The following SYT1 variants were observed in gnomAD, a reference collection of about 807,000 sequenced individuals.
SYT1 encodes synaptotagmin-1.
A neutral mutation model predicts 44.8 loss-of-function variants in SYT1; 8 were observed. That is an observed-to-expected ratio of 0.18 (90% CI 0.10 to 0.32). The LOEUF (loss-of-function observed/expected upper bound fraction) is 0.32, where lower values mean the gene tolerates loss of function less well. Among genes scored for constraint, SYT1 ranks in the 10% least tolerant of loss-of-function variants. SYT1 has a pLI of 1.00. For synonymous variants in SYT1, 154 were observed against 188.8 expected (o/e 0.82, Z 1.51); for missense variants, 286 against 509.3 (o/e 0.56, Z 4.22).
At chr12:79,157,218 A>T (rs977592708) in intron 3 of SYT1, among the ~76,000 whole-genome samples, 2 of 152,156 alleles carry the variant, frequency 1.3e-5, no homozygotes, top group Non-Finnish European at 2.9e-5. Context: ...CTTGCCGTTT[A>T]TTGCAAGGGA....
At chr12:79,411,193 G>A (rs181045156) in intron 9 of SYT1, among the ~76,000 whole-genome samples, 74 of 152,256 alleles carry the variant, frequency 4.9e-4, no homozygotes, top group Admixed American at 9.8e-4. Context: ...CTCTTCTGCC[G>A]TCCTCAGCAT....
At chr12:79,132,261 C>A (rs1041819225) in intron 3 of SYT1, among the ~76,000 whole-genome samples, 3 of 151,914 alleles carry the variant, frequency 2.0e-5, no homozygotes, top group Non-Finnish European at 4.4e-5. Context: ...CAAACCTGAC[C>A]AACAAGGTGA....
At chr12:79,405,804 C>T (rs1189837228) in intron 9 of SYT1, among the ~76,000 whole-genome samples, 2 of 152,000 alleles carry the variant, frequency 1.3e-5, no homozygotes, top group Non-Finnish European at 2.9e-5. Flanking sequence ...GTATGTTGGC[C>T]TCTGTTTCCA....
At chr12:79,342,676 T>A (rs1882431274) in intron 8 of SYT1, among the ~76,000 whole-genome samples, 1 of 152,180 alleles carries the variant, frequency 6.6e-6, no homozygotes, top group African/African-American at 2.4e-5. Context: ...TTGAGAGATT[T>A]TATGATAAAT....
At chr12:79,077,668 A>C (rs1282840841) in intron 3 of SYT1, among the ~76,000 whole-genome samples, 1 of 152,206 alleles carries the variant, frequency 6.6e-6, no homozygotes, top group Non-Finnish European at 1.5e-5. Flanking sequence ...ACAATTAATT[A>C]AAGACATAAA....
At chr12:79,209,300 A>G (rs760975807) in intron 3 of SYT1, among the ~76,000 whole-genome samples, 2 of 152,218 alleles carry the variant, frequency 1.3e-5, no homozygotes, top group African/African-American at 2.4e-5. Flanking sequence ...TTTGGAAAGA[A>G]TTTAAATGAA....
chr12:78,866,165 G>C (rs912488518), intron 1 of SYT1, among the ~76,000 whole-genome samples: 5 of 152,110 alleles, frequency 3.3e-5, no homozygotes, highest in African/African-American at 4.8e-5. Context: ...TTGTATGGAA[G>C]CTACATTTGT....
chr12:79,138,316 A>G (rs567087746), intron 3 of SYT1, among the ~76,000 whole-genome samples: 29 of 152,328 alleles, frequency 1.9e-4, no homozygotes, highest in African/African-American at 5.3e-4. Flanking sequence ...AGATACCTCT[A>G]GAAACTTAAA....
chr12:79,008,594 A>G (rs1871234079), intron 2 of SYT1, among the ~76,000 whole-genome samples: 1 of 152,144 alleles, frequency 6.6e-6, no homozygotes, highest in Admixed American at 6.6e-5. Flanking sequence ...AACGATATGA[A>G]GTAGTTAGAT....
chr12:78,966,336 C>A (rs931683733), intron 1 of SYT1, among the ~76,000 whole-genome samples: 2 of 151,466 alleles, frequency 1.3e-5, no homozygotes, highest in African/African-American at 4.9e-5. Flanking sequence ...CCATCTTATC[C>A]TCTTAACTCT....
chr12:79,192,569 G>A (rs1247181470), intron 3 of SYT1, among the ~76,000 whole-genome samples: 1 of 152,160 alleles, frequency 6.6e-6, no homozygotes, highest in African/African-American at 2.4e-5. Flanking sequence ...ACAATGTGGA[G>A]GGTGGGGAAA....
chr12:79,226,135 C>T (rs1324093376), intron 4 of SYT1, among the ~76,000 whole-genome samples: 2 of 143,638 alleles, frequency 1.4e-5, no homozygotes, highest in Non-Finnish European at 3.0e-5. Context: ...GACTTTGAGG[C>T]CTTAATATGC....
intron 1 of SYT1, among the ~76,000 whole-genome samples, chr12:78,975,248 C>T (rs1344372909): frequency 1.3e-5 from 2 of 152,046 alleles, no homozygotes; most frequent in Non-Finnish European, 2.9e-5. Context: ...GAACTTACTA[C>T]TATTTAAATT....
In SYT1 at chr12:78,913,761, T is replaced by A. The variant is rs572437552; in HGVS notation, c.-217+48652T>A. Among the ~76,000 whole-genome samples the A allele has an allele frequency of 1.2e-3, 177 of 152,036 alleles. 2 individuals carry two copies. The highest frequency in any genetic ancestry group is 3.5e-3 in the South Asian group (17 of 4,834). ...GTACATGAAATGATTAAACTAATAG[T>A]AATTACAGTCTAACCATTAACCAGT... On this transcript the variant is annotated intron_variant, in intron 1 of 10. Coordinates refer to ENST00000261205, the MANE Select transcript of SYT1 (RefSeq NM_005639.3).
At chr12:79,150,679 A>G (rs1163453814) in intron 3 of SYT1, among the ~76,000 whole-genome samples, 1 of 152,208 alleles carries the variant, frequency 6.6e-6, no homozygotes, top group Non-Finnish European at 1.5e-5. Context: ...TGCAGAGGTG[A>G]GAAAGAGCAC....
chr12:78,942,534 C>T (rs182801890), intron 1 of SYT1, among the ~76,000 whole-genome samples: 96 of 152,260 alleles, frequency 6.3e-4, no homozygotes, highest in African/African-American at 2.2e-3. Context: ...CATGTCAAAG[C>T]GTCCATGTCC....
chr12:78,900,321 A>G (rs1367584508), intron 1 of SYT1, among the ~76,000 whole-genome samples: 1 of 152,164 alleles, frequency 6.6e-6, no homozygotes, highest in Admixed American at 6.6e-5. Flanking sequence ...AACTGCTCTC[A>G]GGGAACTTAA....
chr12:78,883,985 A>G (rs1874599222), intron 1 of SYT1, among the ~76,000 whole-genome samples: 1 of 151,238 alleles, frequency 6.6e-6, no homozygotes, highest in South Asian at 2.1e-4. Flanking sequence ...AATAAAAATA[A>G]TTTTCTAAAT....
intron 4 of SYT1, among the ~76,000 whole-genome samples, chr12:79,279,383 TTAAAAA>T (rs1418259453): frequency 1.3e-5 from 2 of 151,928 alleles, no homozygotes; most frequent in African/African-American, 4.8e-5. Context: ...ATAAGCAGAA[TTAAAAA>T]TAAAAACCAT....
Sources: gnomAD v4.1 joint callset for allele counts (sites outside exome capture counted in the v4.1 genomes callset) on GRCh38, gnomAD v4.1.1 for gene constraint, MANE v1.5 for transcripts, NCBI Gene and HGNC (gene_info 2026-07-23, HGNC 2026-07-21) for gene names.